The following LSM8 variants were observed in gnomAD, a reference collection of about 807,000 sequenced individuals.
LSM8 encodes LSM8 U6 small nuclear RNA associated.
LSM8 carries 14 observed loss-of-function variants against 15.0 expected under a neutral mutation model. The observed-to-expected ratio is 0.93, with a 90% CI of 0.62 to 1.46. LSM8 has a LOEUF of 1.46. Among genes scored for constraint, LSM8 ranks in the 40% most tolerant of loss-of-function variants. LSM8 has a pLI of 0.00. For synonymous variants in LSM8, 50 were observed against 42.1 expected (o/e 1.19, Z -0.73); for missense variants, 90 against 115.4 (o/e 0.78, Z 1.01).
At chr7:118,191,291 G>A (rs1808977076) in intron 3 of LSM8, 1 of 152,254 alleles carries the variant, frequency 6.6e-6, no homozygotes, top group Admixed American at 6.5e-5. Context: ...TAGATACTAT[G>A]TTAGTGTTGA....
intron 2 of LSM8, among the ~76,000 whole-genome samples, chr7:118,187,523 T>C (rs1260060231): frequency 6.6e-6 from 1 of 152,272 alleles, no homozygotes; most frequent in African/African-American, 2.4e-5. Context: ...CACTGGTAAC[T>C]AGTATGTACT....
chr7:118,197,573 A>T lies in LSM8; in HGVS notation c.*5571A>T, dbSNP rs118177743. 8.7e-3 allele frequency among the ~76,000 whole-genome samples: 1,320 copies of T among 152,288 alleles called. 17 individuals carry two copies. The highest frequency in any genetic ancestry group is 0.059 in the South Asian group (283 of 4,822). ...AAATGCCCTGAAAGTGATCACAATG[A>T]TAGTTAAAAGTTAAATTTTTTATTT... On this transcript the variant is annotated 3_prime_UTR_variant, in exon 4 of 4. Transcript: ENST00000249299.
Position 118,193,925 on chromosome 7 carries a change from C to G in LSM8, c.*1923C>G, listed in dbSNP as rs1456910792. Among the ~76,000 whole-genome samples the G allele has an allele frequency of 1.3e-5, 2 of 152,050 alleles. No individual in the cohort carries two copies. Among genetic ancestry groups the G allele is most frequent in the African/African-American group, 4.8e-5 (2 of 41,452 alleles). ...TTGCAATCTGAAACACCTTATAAAG[C>G]TGTATTTTCCTGATTGATGTTGGAA... is the stretch of plus-strand genomic sequence containing the variant. On this transcript the variant is annotated 3_prime_UTR_variant, in exon 4 of 4. Transcript: ENST00000249299.
Position 118,185,912 on chromosome 7 carries a change from T to C in LSM8, c.72+218T>C, listed in dbSNP as rs186045327. On this transcript the variant is annotated intron_variant, in intron 2 of 3. Transcript: ENST00000249299. ...GGTTTCTCGGAGCTAGAATAATAGA[T>C]TCTGCCCTCAGAGAGCTCCTAGTCT... Among the ~76,000 whole-genome samples, 660 of 152,196 alleles carry C rather than the reference T, an allele frequency of 4.3e-3. 5 individuals are homozygous for C. The highest frequency in any genetic ancestry group is 5.6e-3 in the Non-Finnish European group (378 of 68,016).
chr7:118,187,992 CTACT>C (rs1348946227), intron 2 of LSM8, among the ~76,000 whole-genome samples: 2 of 152,120 alleles, frequency 1.3e-5, no homozygotes, highest in African/African-American at 4.8e-5. Flanking sequence ...AGCTTTTATG[CTACT>C]TACTTGGAGA....
chr7:118,203,884 C>T lies in LSM8; in HGVS notation c.*11882C>T, dbSNP rs11770353. Among the ~76,000 whole-genome samples, 108,974 of 151,536 alleles carry T rather than the reference C, an allele frequency of 0.72. 39,433 individuals are homozygous for T. Among genetic ancestry groups the T allele is most frequent in the South Asian group, 0.85 (4,078 of 4,814 alleles). On this transcript the variant is annotated 3_prime_UTR_variant, in exon 4 of 4. Coordinates refer to ENST00000249299, the MANE Select transcript of LSM8 (RefSeq NM_016200.5). ...TATGAAGAATATCTCCATATTCTTACAGCTGTTTTTCTTGGTTGCTTTCTA... is the reference window on the plus strand; with the variant it reads ...TATGAAGAATATCTCCATATTCTTATAGCTGTTTTTCTTGGTTGCTTTCTA...
rs1329826076 is a variant in LSM8, at chr7:118,201,230, A to G, written c.*9228A>G. 6.6e-6 allele frequency among the ~76,000 whole-genome samples: 1 copy of G among 152,104 alleles called. No homozygotes were observed. Among genetic ancestry groups the G allele is most frequent in the East Asian group, 1.9e-4 (1 of 5,192 alleles). On this transcript the variant is annotated 3_prime_UTR_variant, in exon 4 of 4. Transcript: ENST00000249299. ...TATATCACAGAATTTTGAACTAAAG[A>G]TCATCTAGCTGAATTTCCTTTATAT...
At chr7:118,188,041 G>A (rs1008427981) in intron 2 of LSM8, among the ~76,000 whole-genome samples, 1 of 152,148 alleles carries the variant, frequency 6.6e-6, no homozygotes, top group Admixed American at 6.5e-5. Flanking sequence ...CTTTGCAACT[G>A]CTGTCAACTC....
intron 2 of LSM8, among the ~76,000 whole-genome samples, chr7:118,186,760 C>T (rs1466911511): frequency 6.6e-6 from 1 of 152,210 alleles, no homozygotes; most frequent in Admixed American, 6.5e-5. Flanking sequence ...TGCCTGGCTT[C>T]TTTCTTAAGG....
At chr7:118,184,312 G>A in intron 1 of LSM8, 58 bp downstream of exon 1, 1 of 1,434,658 alleles carries the variant, frequency 7.0e-7, no homozygotes, top group Non-Finnish European at 9.2e-7. Context: ...GCCGCGGTCG[G>A]GGATCGGTGG....
rs1057312013 is a variant in LSM8 at position 118,193,479 on chromosome 7, A to G, written c.*1477A>G. 2.0e-5 allele frequency among the ~76,000 whole-genome samples: 3 copies of G among 152,106 alleles called. No individual in the cohort carries two copies. Among genetic ancestry groups the G allele is most frequent in the African/African-American group, 7.2e-5 (3 of 41,430 alleles). On this transcript the variant is annotated 3_prime_UTR_variant, in exon 4 of 4. Coordinates refer to ENST00000249299, the MANE Select transcript of LSM8 (RefSeq NM_016200.5). ...GGGGGAGGAAAATATCTTCACTCAA[A>G]TCAGCCTTATAAGGGGAGAAGCACT... is the stretch of plus-strand genomic sequence containing the variant.
rs946240464 is a variant in LSM8 at position 118,203,888 on chromosome 7, T to C, written c.*11886T>C. Among the ~76,000 whole-genome samples, 15 of 151,848 alleles carry C rather than the reference T, an allele frequency of 9.9e-5. No homozygotes were observed. Among genetic ancestry groups the C allele is most frequent in the Admixed American group, 8.5e-4 (13 of 15,216 alleles). Reference sequence around the variant, plus strand: ...AAGAATATCTCCATATTCTTACAGCTGTTTTTCTTGGTTGCTTTCTAATTC... The same window carrying C: ...AAGAATATCTCCATATTCTTACAGCCGTTTTTCTTGGTTGCTTTCTAATTC... On this transcript the variant is annotated 3_prime_UTR_variant, in exon 4 of 4. Transcript: ENST00000249299.
At chr7:118,188,503 G>GTATTGCAGA (rs1276170680) in intron 3 of LSM8, 98 bp downstream of exon 3, 2 of 1,083,954 alleles carry the variant, frequency 1.8e-6, no homozygotes, top group Non-Finnish European at 2.6e-6. Flanking sequence ...TCCATACATA[G>GTATTGCAGA]TTAATAGAAT....
At position 118,198,871 on chromosome 7, in the gene LSM8, C is replaced by G. The variant is rs1195001141; in HGVS notation, c.*6869C>G. ...TGTATGCCTGAGACCATAGGCCTTG[C>G]TGTTACAGTTTAAGCTCTGGGAAAC... On this transcript the variant is annotated 3_prime_UTR_variant, in exon 4 of 4. Transcript: ENST00000249299. Among the ~76,000 whole-genome samples, 1 of 152,170 alleles carries G rather than the reference C, an allele frequency of 6.6e-6. No homozygotes were observed. Among genetic ancestry groups the G allele is most frequent in the Non-Finnish European group, 1.5e-5 (1 of 68,034 alleles).
chr7:118,185,529 AGT>A, intron 1 of LSM8, 123 bp from the exon 2 acceptor site: 1 of 808,478 alleles, frequency 1.2e-6, no homozygotes, highest in Admixed American at 2.2e-5. Context: ...TAGTGAACTT[AGT>A]GGCTGTGTTG....
chr7:118,188,283 A>G lies in LSM8; in HGVS notation c.78A>G (p.Thr26=). The G allele has an allele frequency of 1.9e-6, 3 of 1,613,604 alleles. No individual in the cohort carries two copies. Among genetic ancestry groups the G allele is most frequent in the Admixed American group, 1.7e-5 (1 of 60,024 alleles). The change falls in exon 3 of 4, where the codon ACA becomes ACG. Residue 26 remains threonine (T), a synonymous_variant. Transcript: ENST00000249299. ...CCTGAATATTTTCTTTACAGGGAAC[A>G]CTGAAAGGTTTTGACCAGACCATTA... ...ITSDGRMIVG[T]LKGFDQTINL...
rs573385797 is a variant in LSM8 at position 118,199,806 on chromosome 7, T to C, written c.*7804T>C. Reference sequence around the variant, plus strand: ...ATACTGACATGGTGAAGATATGTATTGGGTGATATGAGAGCCCATAGGAGA... The same window carrying C: ...ATACTGACATGGTGAAGATATGTATCGGGTGATATGAGAGCCCATAGGAGA... On this transcript the variant is annotated 3_prime_UTR_variant, in exon 4 of 4. Coordinates refer to ENST00000249299, the MANE Select transcript of LSM8 (RefSeq NM_016200.5). Among the ~76,000 whole-genome samples the C allele has an allele frequency of 6.6e-6, 1 of 152,222 alleles. No individual in the cohort carries two copies. The highest frequency in any genetic ancestry group is 1.5e-5 in the Non-Finnish European group (1 of 67,984).
At chr7:118,187,520 A>G (rs1486099402) in intron 2 of LSM8, among the ~76,000 whole-genome samples, 1 of 152,272 alleles carries the variant, frequency 6.6e-6, no homozygotes, top group Non-Finnish European at 1.5e-5. Context: ...GAACACTGGT[A>G]ACTAGTATGT....
chr7:118,188,652 G>C, intron 3 of LSM8: 1 of 288,162 alleles, frequency 3.5e-6, no homozygotes, highest in South Asian at 5.5e-5. Flanking sequence ...CCTGAGATTT[G>C]CCCATTTTTC....
Sources: gnomAD v4.1 joint callset for allele counts (sites outside exome capture counted in the v4.1 genomes callset) on GRCh38, gnomAD v4.1.1 for gene constraint, MANE v1.5 for transcripts, NCBI Gene and HGNC (gene_info 2026-07-23, HGNC 2026-07-21) for gene names.